TNFRSF21: variants seen among roughly 807,000 people sequenced by gnomAD.
The protein encoded by TNFRSF21 is TNF receptor superfamily member 21.
A neutral mutation model predicts 45.6 loss-of-function variants in TNFRSF21; 19 were observed. The ratio of observed to expected loss-of-function variants is 0.42; its 90% CI spans 0.29 to 0.61. The LOEUF (loss-of-function observed/expected upper bound fraction) is 0.61. TNFRSF21 is among the 20% of genes least tolerant of loss of function. TNFRSF21 has a pLI of 0.23. For synonymous variants in TNFRSF21, 314 were observed against 335.5 expected (o/e 0.94, Z 0.70); for missense variants, 737 against 851.5 (o/e 0.87, Z 1.67).
intron 4 of TNFRSF21, among the ~76,000 whole-genome samples, chr6:47,238,953 AAAACTG>A (rs1167558855): frequency 6.6e-6 from 1 of 152,174 alleles, no homozygotes; most frequent in Non-Finnish European, 1.5e-5. Context: ...AGACTTCTAA[AAAACTG>A]AAGTACCCAC....
intron 3 of TNFRSF21, among the ~76,000 whole-genome samples, chr6:47,270,098 G>T (rs142469681): frequency 6.6e-6 from 1 of 152,084 alleles, no homozygotes; most frequent in Non-Finnish European, 1.5e-5. Context: ...TTACTGGGGA[G>T]AGTTATGTCC....
chr6:47,247,424 C>T (rs745646893), intron 4 of TNFRSF21, among the ~76,000 whole-genome samples: 17 of 152,184 alleles, frequency 1.1e-4, no homozygotes, highest in Non-Finnish European at 1.8e-4. Flanking sequence ...GACAAGATCC[C>T]TAATTTCTAA....
intron 3 of TNFRSF21, among the ~76,000 whole-genome samples, chr6:47,276,057 A>G (rs980913193): frequency 1.3e-5 from 2 of 152,182 alleles, no homozygotes; most frequent in Non-Finnish European, 2.9e-5. Context: ...TTTTACAAAG[A>G]AAGATGAGAT....
At chr6:47,285,462 C>G (rs967018184) in intron 2 of TNFRSF21, among the ~76,000 whole-genome samples, 4 of 152,164 alleles carry the variant, frequency 2.6e-5, no homozygotes, top group African/African-American at 9.7e-5. Context: ...TTTGCCCCAC[C>G]TGGATTCAAA....
rs1328950727 is a variant in TNFRSF21, at chr6:47,284,135, T to C, written c.1046A>G (p.His349Arg). Residue 349 changes from histidine to arginine, a missense_variant, in exon 3 of 6, where the codon CAT becomes CGT. Physicochemically the swap from His to Arg is conservative, Grantham distance 29. Coordinates refer to ENST00000296861, the MANE Select transcript of TNFRSF21 (RefSeq NM_014452.5). ...GAAAAGCACAATCATCCAGGGCAAA[T>C]GCTCATTGATGTCAAAATGCTTGTG... is the stretch of plus-strand genomic sequence containing the variant. Reference protein sequence around the residue: ...NLHKHFDINEHLPWMIVLFLL... With the variant: ...NLHKHFDINERLPWMIVLFLL... 1 of 1,614,202 alleles carries C rather than the reference T, an allele frequency of 6.2e-7. No homozygotes were observed. The highest frequency in any genetic ancestry group is 2.2e-5 in the East Asian group (1 of 44,884).
chr6:47,282,435 G>C (rs909097642), intron 3 of TNFRSF21, among the ~76,000 whole-genome samples: 1 of 151,286 alleles, frequency 6.6e-6, no homozygotes, highest in Non-Finnish European at 1.5e-5. Context: ...AATTTGTGTC[G>C]GGCTGCATTC....
rs1762994157 is a variant in TNFRSF21 at position 47,309,884 on chromosome 6, C to G, written c.-373G>C. ...ACTGCCAACCACCCTCCTCCGCTGC[C>G]CAGACTGGTCGGCGAGGGACTGAGT... On this transcript the variant is annotated 5_prime_UTR_variant, in exon 1 of 6. Transcript: ENST00000296861. The G allele has an allele frequency of 5.6e-6, 1 of 178,088 alleles. No individual in the cohort carries two copies. The highest frequency in any genetic ancestry group is 1.2e-5 in the Non-Finnish European group (1 of 85,320). The allele number at this position is 178,088 out of a possible 1,614,324, so 11.0% of individuals were successfully genotyped here. A position where few individuals can be genotyped will look rare whatever the true frequency, so the allele number is the denominator to read the frequency against.
At position 47,309,472 on chromosome 6, in the gene TNFRSF21, A is replaced by T. The variant is rs756906061; in HGVS notation, c.40T>A (p.Cys14Ser). Reference protein sequence around the residue: ...SPSSSTALASCSRIARRATAT... With the variant: ...SPSSSTALASSSRIARRATAT... ...GTGGCTCGGCGGGCGATGCGGCTGC[A>T]GGAGGCGAGGGCGGTGCTGCTGCTC... Residue 14 changes from cysteine (C) to serine (S), a missense_variant, in exon 1 of 6, where the codon TGC becomes AGC. Transcript: ENST00000296861. The T allele has an allele frequency of 1.3e-6, 2 of 1,530,034 alleles. No homozygotes were observed. The highest frequency in any genetic ancestry group is 1.7e-6 in the Non-Finnish European group (2 of 1,145,810). The allele number at this position is 1,530,034 out of a possible 1,614,324, so 94.8% of individuals were successfully genotyped here.
intron 1 of TNFRSF21, among the ~76,000 whole-genome samples, chr6:47,288,383 A>G (rs887982244): frequency 5.3e-5 from 8 of 152,188 alleles, no homozygotes; most frequent in African/African-American, 1.4e-4. Context: ...GAGAAGGTAC[A>G]GTGATTAGAG....
At position 47,234,860 on chromosome 6, in the gene TNFRSF21, G is replaced by T; in HGVS notation, c.1548C>A (p.Ser516Arg). Residue 516 changes from serine to arginine, a missense_variant, in exon 5 of 6, where the codon AGC (serine) becomes AGA (arginine). Physicochemically the swap from Ser to Arg is moderately radical, Grantham distance 110. Coordinates refer to ENST00000296861, the MANE Select transcript of TNFRSF21 (RefSeq NM_014452.5). ...TGGGGATGGGGCTCGGGCTAAGCGG[G>T]CTGGGGCTCATCGGGAGAGCTAGTT... The part of the protein sequence containing the change: ...TDKLALPMSP[S>R]PLSPSPIPSP... 6.9e-7 allele frequency: 1 copy of T among 1,445,222 alleles called. No homozygotes were observed. The highest frequency in any genetic ancestry group is 9.1e-7 in the Non-Finnish European group (1 of 1,101,860). The allele number at this position is 1,445,222 out of a possible 1,614,324, so 89.5% of individuals were successfully genotyped here.
chr6:47,254,913 C>T (rs1348304091), intron 3 of TNFRSF21, among the ~76,000 whole-genome samples: 1 of 152,182 alleles, frequency 6.6e-6, no homozygotes, highest in Non-Finnish European at 1.5e-5. Context: ...AAAAGTTAGG[C>T]TACTGGCCCA....
intron 1 of TNFRSF21, among the ~76,000 whole-genome samples, chr6:47,289,666 A>G (rs189486546): frequency 6.6e-6 from 1 of 152,256 alleles, no homozygotes; most frequent in Non-Finnish European, 1.5e-5. Context: ...GCACTGGATA[A>G]AAGGACCCAT....
At chr6:47,287,307 CAAAAAAAAAAA>C (rs1164380285) in intron 1 of TNFRSF21, among the ~76,000 whole-genome samples, 14 of 20,878 alleles carry the variant, frequency 6.7e-4, no homozygotes, top group South Asian at 2.2e-3. Context: ...AACTCTTTCT[CAAAAAAAAAAA>C]AAAAAAAAAA....
intron 1 of TNFRSF21, among the ~76,000 whole-genome samples, chr6:47,309,018 G>T (rs1317742742): frequency 6.6e-6 from 1 of 152,102 alleles, no homozygotes; most frequent in Non-Finnish European, 1.5e-5. Context: ...GCCCCACACC[G>T]CGGCGAGGCC....
intron 4 of TNFRSF21, among the ~76,000 whole-genome samples, chr6:47,239,516 C>T (rs901393631): frequency 6.6e-6 from 1 of 152,034 alleles, no homozygotes; most frequent in South Asian, 2.1e-4. Flanking sequence ...AATAAGATTT[C>T]GAGGCAGCAA....
At position 47,276,107 on chromosome 6, in the gene TNFRSF21, T is replaced by C. The variant is rs1321520508; in HGVS notation, c.1243+7831A>G. On this transcript the variant is annotated intron_variant, in intron 3 of 5. Transcript: ENST00000296861. ...TGCCTTGCCTGAGATCATCCAGCCTTTTAGTAGCTGAATGGATTTGAACCT... is the reference window on the plus strand; with the variant it reads ...TGCCTTGCCTGAGATCATCCAGCCTCTTAGTAGCTGAATGGATTTGAACCT... 3.3e-5 allele frequency among the ~76,000 whole-genome samples: 5 copies of C among 152,128 alleles called. No homozygotes were observed. The East Asian group carries it at 9.6e-4, about 29-fold the overall frequency.
chr6:47,238,664 C>G (rs1423389873), intron 4 of TNFRSF21, among the ~76,000 whole-genome samples: 1 of 152,194 alleles, frequency 6.6e-6, no homozygotes. Flanking sequence ...AATGGTTCAA[C>G]TCACTCAAGG....
In TNFRSF21 at chr6:47,281,699, C is replaced by T. The variant is rs541682236; in HGVS notation, c.1243+2239G>A. Among the ~76,000 whole-genome samples the T allele has an allele frequency of 1.2e-3, 188 of 151,910 alleles. 1 individual carries two copies. The highest frequency in any genetic ancestry group is 7.1e-3 in the South Asian group (34 of 4,796). Reference sequence around the variant, plus strand: ...CCTGGGCCAATAGGTGTATTTTTTACGTAGAGAGAGCAAATGACAAAGCAA... The same window carrying T: ...CCTGGGCCAATAGGTGTATTTTTTATGTAGAGAGAGCAAATGACAAAGCAA... On this transcript the variant is annotated intron_variant, in intron 3 of 5. Transcript: ENST00000296861.
intron 1 of TNFRSF21, among the ~76,000 whole-genome samples, chr6:47,292,785 A>G (rs935072893): frequency 1.3e-5 from 2 of 152,226 alleles, no homozygotes; most frequent in Non-Finnish European, 2.9e-5. Flanking sequence ...ATTTTGGTGC[A>G]CATCTTTCCA....
Sources: gnomAD v4.1 joint callset for allele counts (sites outside exome capture counted in the v4.1 genomes callset) on GRCh38, gnomAD v4.1.1 for gene constraint, MANE v1.5 for transcripts, NCBI Gene and HGNC (gene_info 2026-07-23, HGNC 2026-07-21) for gene names.